Variants in NAV2 observed in about 807,000 individuals in gnomAD.
NAV2 encodes the protein neuron navigator 2, also known as helicase, APC down-regulated 1.
In NAV2, 54 loss-of-function variants were observed where a neutral mutation model predicts 223.2. The ratio of observed to expected loss-of-function variants is 0.24; its 90% confidence interval spans 0.19 to 0.30. The LOEUF (loss-of-function observed/expected upper bound fraction) is 0.30. Among genes scored for constraint, NAV2 ranks in the 10% least tolerant of loss-of-function variants. The probability of loss-of-function intolerance (pLI) is 1.00; values close to 1 mark genes in which losing one functional copy is unlikely to be tolerated. For missense variants in NAV2, 2,806 were observed against 3,147.5 expected (o/e 0.89, Z 2.60); for synonymous variants, 1,279 against 1,239.3 (o/e 1.03, Z -0.67).
At chr11:19,790,901 T>G (rs1359170489) in intron 1 of NAV2, among the ~76,000 whole-genome samples, 1 of 138,430 alleles carries the variant, frequency 7.2e-6, no homozygotes, top group African/African-American at 2.6e-5. Context: ...ATATTGCTTG[T>G]TTTTTTTTTT....
At chr11:19,795,878 G>A (rs2057847087) in intron 1 of NAV2, among the ~76,000 whole-genome samples, 1 of 152,172 alleles carries the variant, frequency 6.6e-6, no homozygotes, top group Non-Finnish European at 1.5e-5. Context: ...TTGGCCATAG[G>A]CATGGTTAGG....
At chr11:19,394,443 T>C (rs1273266773) in intron 1 of NAV2, among the ~76,000 whole-genome samples, 11 of 152,226 alleles carry the variant, frequency 7.2e-5, no homozygotes, top group Admixed American at 6.5e-4. Flanking sequence ...ATTCCAGGCA[T>C]ACCCATGCTA....
chr11:19,878,534 T>A lies in NAV2; in HGVS notation c.512-1335T>A, dbSNP rs550903049. Among the ~76,000 whole-genome samples the A allele has an allele frequency of 2.6e-5, 4 of 152,266 alleles. No homozygotes were observed. The South Asian group carries it at 8.3e-4, about 32-fold the overall frequency. On this transcript the variant is annotated intron_variant, in intron 4 of 37. Coordinates refer to ENST00000349880, the MANE Select transcript of NAV2 (RefSeq NM_145117.5). ...ACAGATTGGAACTCACGGCTTAGGTTTTCCAAATGCTATGCTCCTGTCTAC... is the reference window on the plus strand; with the variant it reads ...ACAGATTGGAACTCACGGCTTAGGTATTCCAAATGCTATGCTCCTGTCTAC...
chr11:20,067,644 A>ATTTTTTTTTTTTTTTT (rs11371990), intron 20 of NAV2, among the ~76,000 whole-genome samples: 1 of 129,264 alleles, frequency 7.7e-6, no homozygotes, highest in African/African-American at 3.0e-5. Flanking sequence ...CACCCGGCTA[A>ATTTTTTTTTTTTTTTT]TTTTTTTTTT....
chr11:19,511,476 T>G lies in NAV2; in HGVS notation c.75+160449T>G, dbSNP rs560627500. On this transcript the variant is annotated intron_variant, in intron 1 of 37. Transcript: ENST00000360655. ...AGAGTTTTCTGGGGTCAGGGGTGAT[T>G]AACTCTTCTAAGACTGATCATGGTG... is the stretch of plus-strand genomic sequence containing the variant. 2.0e-5 allele frequency: 3 copies of G among 152,192 alleles called. No homozygotes were observed. The East Asian group carries it at 5.8e-4, about 29-fold the overall frequency. 9.4% of individuals were successfully genotyped at this position (152,192 alleles called of 1,614,324 possible).
At chr11:20,022,755 C>G (rs1161218100) in intron 11 of NAV2, 1 of 1,110,836 alleles carries the variant, frequency 9.0e-7, no homozygotes, top group Admixed American at 4.9e-5. Context: ...TGCAAACTCC[C>G]CTGGGACCAC....
intron 1 of NAV2, among the ~76,000 whole-genome samples, chr11:19,730,926 T>C (rs1271984856): frequency 6.6e-6 from 1 of 152,178 alleles, no homozygotes; most frequent in African/African-American, 2.4e-5. Flanking sequence ...GATGAAAAAA[T>C]TTTAATTATA....
At chr11:19,792,424 G>C (rs989985327) in intron 1 of NAV2, among the ~76,000 whole-genome samples, 1 of 152,218 alleles carries the variant, frequency 6.6e-6, no homozygotes, top group Non-Finnish European at 1.5e-5. Context: ...TCTGCTGCAG[G>C]GGAGAGCACT....
chr11:19,915,732 C>T (rs1252886542), intron 6 of NAV2, among the ~76,000 whole-genome samples: 3 of 152,178 alleles, frequency 2.0e-5, no homozygotes, highest in Admixed American at 6.5e-5. Flanking sequence ...TTGTCCTCCC[C>T]AGGTTCCGTG....
intron 1 of NAV2, among the ~76,000 whole-genome samples, chr11:19,613,845 G>T (rs1336625018): frequency 6.6e-6 from 1 of 152,210 alleles, no homozygotes; most frequent in African/African-American, 2.4e-5. Context: ...CATGTGAAGT[G>T]CTTACTACAA....
chr11:20,110,120 A>G (rs2062499550), intron 36 of NAV2, among the ~76,000 whole-genome samples: 1 of 152,262 alleles, frequency 6.6e-6, no homozygotes, highest in Admixed American at 6.5e-5. Flanking sequence ...GAGCAGAGAC[A>G]TGCTCCCATC....
intron 1 of NAV2, among the ~76,000 whole-genome samples, chr11:19,590,690 A>G (rs1437949385): frequency 6.6e-6 from 1 of 152,204 alleles, no homozygotes; most frequent in Non-Finnish European, 1.5e-5. Context: ...AGAAGTGAGG[A>G]AGGTATTTGA....
chr11:19,916,092 C>A (rs2043782358), intron 6 of NAV2, among the ~76,000 whole-genome samples: 1 of 152,146 alleles, frequency 6.6e-6, no homozygotes, highest in African/African-American at 2.4e-5. Context: ...CAATACTTAG[C>A]ATAGTGCCTT....
intron 1 of NAV2, among the ~76,000 whole-genome samples, chr11:19,681,937 A>G (rs911514117): frequency 6.6e-6 from 1 of 152,182 alleles, no homozygotes; most frequent in Non-Finnish European, 1.5e-5. Flanking sequence ...AAATACATCT[A>G]GCAGGGAATA....
At chr11:19,704,907 A>G (rs2049613413) in intron 1 of NAV2, among the ~76,000 whole-genome samples, 1 of 149,382 alleles carries the variant, frequency 6.7e-6, no homozygotes, top group African/African-American at 2.5e-5. Flanking sequence ...GCTACTCGGG[A>G]GGCTGAGGCA....
At chr11:19,407,623 G>A (rs1034832900) in intron 1 of NAV2, among the ~76,000 whole-genome samples, 14 of 151,086 alleles carry the variant, frequency 9.3e-5, no homozygotes, top group African/African-American at 2.9e-4. Context: ...CAGCCACTGA[G>A]GCCCTGTGGT....
chr11:19,880,204 G>A, intron 5 of NAV2, 77 bp downstream of exon 5: 1 of 1,454,500 alleles, frequency 6.9e-7, no homozygotes, highest in Non-Finnish European at 9.1e-7. Flanking sequence ...AGGCTATCCT[G>A]TATGGCTTTT....
At chr11:19,863,871 A>G (rs995418737) in intron 3 of NAV2, among the ~76,000 whole-genome samples, 1 of 152,240 alleles carries the variant, frequency 6.6e-6, no homozygotes, top group Non-Finnish European at 1.5e-5. Flanking sequence ...ATTGCTTGAC[A>G]CCCAGTAGGT....
rs146393896 is a variant in NAV2, at chr11:19,713,734, A to G, written c.39A>G (p.Gly13=). The G allele has an allele frequency of 6.3e-7, 1 of 1,595,408 alleles. No individual in the cohort carries two copies. The highest frequency in any genetic ancestry group is 8.6e-7 in the Non-Finnish European group (1 of 1,167,770). ...AILVASKMKS[G]LPKPVHSAAP... is the part of the protein sequence containing the mutation. ...TGGTCGCCTCCAAAATGAAGTCGGGACTGCCCAAACCCGTGCACAGCGCCG... is the reference window on the plus strand; with the variant it reads ...TGGTCGCCTCCAAAATGAAGTCGGGGCTGCCCAAACCCGTGCACAGCGCCG... Residue 13 remains glycine, a synonymous_variant, in exon 1 of 38, where the codon GGA becomes GGG. Coordinates refer to ENST00000349880, the MANE Select transcript of NAV2 (RefSeq NM_145117.5). This position sits in a 1 kb window ranked among gnomAD's most constrained non-coding sequence, Gnocchi z 7.2.
Sources: gnomAD v4.1 joint callset for allele counts (sites outside exome capture counted in the v4.1 genomes callset) on GRCh38, gnomAD v4.1.1 for gene constraint, Gnocchi (gnomAD v3.1) non-coding constraint, MANE v1.5 for transcripts, NCBI Gene and HGNC (gene_info 2026-07-23, HGNC 2026-07-21) for gene names.